BRSK2: variants seen among roughly 807,000 people sequenced by gnomAD.
BRSK2 encodes the protein BR serine/threonine kinase 2.
In BRSK2, 19 loss-of-function variants were observed where a neutral mutation model predicts 83.3. The observed-to-expected ratio is 0.23, with a 90% CI of 0.16 to 0.33. The LOEUF (loss-of-function observed/expected upper bound fraction) is 0.33, where lower values mean the gene tolerates loss of function less well. Ranked by LOEUF, BRSK2 falls within the 10% of genes least tolerant of loss-of-function variation. The probability of loss-of-function intolerance (pLI) is 1.00; values close to 1 mark genes in which losing one functional copy is unlikely to be tolerated. For synonymous variants in BRSK2, 519 were observed against 435.4 expected (o/e 1.19, Z -2.39); for missense variants, 798 against 1,042.3 (o/e 0.77, Z 3.23).
In BRSK2 at chr11:1,456,904, G is replaced by T. The variant is rs375752248; in HGVS notation, c.1939+217G>T. The T allele has an allele frequency of 8.5e-5, 134 of 1,575,954 alleles. 1 individual carries two copies. In the South Asian group the frequency reaches 1.4e-3, roughly 17 times the overall value. ...ACCCGCCTCGCCTCTGCACGCCAGG[G>T]ACATAGGGCGCAGCCGCACCACACT... On this transcript the variant is annotated intron_variant, in intron 18 of 19. Transcript: ENST00000528841.
chr11:1,450,727 G>A lies in BRSK2; in HGVS notation c.1428G>A (p.Arg476=), dbSNP rs762343253. The change falls in exon 14 of 20, where the codon AGG becomes AGA. Residue 476 remains arginine, a synonymous_variant. Coordinates refer to ENST00000528841, the MANE Select transcript of BRSK2 (RefSeq NM_001256627.2). ...CCAGCGTCGGAGGGGTGCCCTGGAG[G>A]GCGCGGCTCAACTCCATCAAGAACA... The part of the protein sequence containing the change: ...SSPSVGGVPW[R]ARLNSIKNSF... The A allele has an allele frequency of 1.7e-5, 28 of 1,601,024 alleles. No homozygotes were observed. Among genetic ancestry groups the A allele is most frequent in the South Asian group, 7.8e-5 (7 of 89,504 alleles).
Position 1,454,486 on chromosome 11 carries a change from C to T in BRSK2, c.1546C>T (p.Leu516=). Residue 516 remains leucine, a splice_region_variant and synonymous_variant, in exon 16 of 20, where the codon CTG becomes TTG. Transcript: ENST00000528841. This position sits in a 1 kb window ranked among gnomAD's most constrained non-coding sequence, Gnocchi z 5.2. ...CAGCCTCTGTCTCCCACTGCCCAGG[C>T]TGGCGAAGAAGTCCTGGTTTGGGAA... ...SNLTPESSPE[L]AKKSWFGNFI... is the part of the protein sequence containing the mutation. The T allele has an allele frequency of 1.2e-6, 2 of 1,612,988 alleles. No individual in the cohort carries two copies. The highest frequency in any genetic ancestry group is 1.7e-6 in the Non-Finnish European group (2 of 1,179,842).
chr11:1,406,740 G>A (rs941844584), intron 1 of BRSK2, among the ~76,000 whole-genome samples: 1 of 152,212 alleles, frequency 6.6e-6, no homozygotes. Flanking sequence ...GCGGGGGTGG[G>A]CCTGTCGCTG....
intron 1 of BRSK2, among the ~76,000 whole-genome samples, chr11:1,420,321 T>C (rs2134187753): frequency 6.6e-6 from 1 of 152,356 alleles, no homozygotes; most frequent in East Asian, 1.9e-4. Flanking sequence ...TGGCCAGGGC[T>C]GTCCCAACCT....
At chr11:1,418,565 G>A (rs1848342645) in intron 1 of BRSK2, among the ~76,000 whole-genome samples, 1 of 151,256 alleles carries the variant, frequency 6.6e-6, no homozygotes, top group African/African-American at 2.4e-5. Context: ...TCTCTTGAGA[G>A]TGGGTCACCT....
intron 18 of BRSK2, chr11:1,457,191 C>T (rs1047152345): frequency 2.7e-6 from 2 of 743,876 alleles, no homozygotes; most frequent in Admixed American, 6.0e-5. Flanking sequence ...GGCGGCCCAT[C>T]TGCTAGGGCA....
At chr11:1,394,549 G>A (rs111164729) in intron 1 of BRSK2, among the ~76,000 whole-genome samples, 4 of 57,098 alleles carry the variant, frequency 7.0e-5, no homozygotes, top group Non-Finnish European at 3.8e-5. Context: ...CCATGGAGAT[G>A]GGTCCTGGAG....
chr11:1,401,415 A>G (rs1846469901), intron 1 of BRSK2, among the ~76,000 whole-genome samples: 1 of 152,214 alleles, frequency 6.6e-6, no homozygotes, highest in South Asian at 2.1e-4. Flanking sequence ...ACCTGGAAGA[A>G]TAGGTCGCTC....
chr11:1,457,003 G>T, intron 18 of BRSK2: 1 of 1,596,622 alleles, frequency 6.3e-7, no homozygotes, highest in Non-Finnish European at 8.5e-7. Flanking sequence ...GGGCTTAAGG[G>T]CCAGAAGGTG....
At chr11:1,428,782 GGT>G (rs569472636) in intron 1 of BRSK2, among the ~76,000 whole-genome samples, 4 of 152,050 alleles carry the variant, frequency 2.6e-5, no homozygotes, top group South Asian at 2.1e-4. Context: ...GTGCACTGCG[GGT>G]GTGTGTGCAT....
chr11:1,439,254 G>A (rs895210838), intron 3 of BRSK2, among the ~76,000 whole-genome samples: 8 of 152,062 alleles, frequency 5.3e-5, no homozygotes, highest in African/African-American at 1.4e-4. Flanking sequence ...CAGCAGCAAC[G>A]TCCACGCTTG....
In BRSK2 at chr11:1,390,533, C is replaced by G. The variant is rs1845656450; in HGVS notation, c.91+158C>G. Among the ~76,000 whole-genome samples the G allele has an allele frequency of 6.9e-6, 1 of 144,456 alleles. No homozygotes were observed. Among genetic ancestry groups the G allele is most frequent in the Admixed American group, 6.9e-5 (1 of 14,540 alleles). 94.8% of individuals were successfully genotyped at this position (144,456 alleles called of 152,430 possible). A position where few individuals can be genotyped will look rare whatever the true frequency, so the allele number is the denominator to read the frequency against. On this transcript the variant is annotated intron_variant, in intron 1 of 19. Transcript: ENST00000528841. This position sits in a 1 kb window ranked among gnomAD's most constrained non-coding sequence, Gnocchi z 6.8. Reference sequence around the variant, plus strand: ...GCCCGTGCGCCCCCGTCCGCTCGTGCGCCCCGGTTCCGCCGCGGATCCCGC... The same window carrying G: ...GCCCGTGCGCCCCCGTCCGCTCGTGGGCCCCGGTTCCGCCGCGGATCCCGC...
At position 1,460,743 on chromosome 11, in the gene BRSK2, CAGCACAGCACTGACAGCGGCTG is replaced by C. The variant is rs1564896774; in HGVS notation, c.*21_*42del. 2 of 1,383,684 alleles carry C rather than the reference CAGCACAGCACTGACAGCGGCTG, an allele frequency of 1.4e-6. No homozygotes were observed. Among genetic ancestry groups the C allele is most frequent in the South Asian group, 1.5e-5 (1 of 66,890 alleles). 85.7% of individuals were successfully genotyped at this position (1,383,684 alleles called of 1,614,324 possible). ...CCTTAGACACACTAGCCCCCCCCCC[CAGCACAGCACTGACAGCGGCTG>C]CCTCGCCGCCCGCCGCCCGCCCTGC... On this transcript the variant is annotated 3_prime_UTR_variant, in exon 20 of 20. Transcript: ENST00000528841.
At chr11:1,442,133 G>A (rs1043893988) in intron 4 of BRSK2, among the ~76,000 whole-genome samples, 1 of 151,358 alleles carries the variant, frequency 6.6e-6, no homozygotes, top group Non-Finnish European at 1.5e-5. Context: ...AAGCACTCTG[G>A]GAGCCCCTCG....
At chr11:1,392,119 C>T (rs545169387) in intron 1 of BRSK2, among the ~76,000 whole-genome samples, 22 of 152,334 alleles carry the variant, frequency 1.4e-4, no homozygotes, top group African/African-American at 5.1e-4. Context: ...CATTTCTGTG[C>T]GTCTTCTGTT....
intron 1 of BRSK2, among the ~76,000 whole-genome samples, chr11:1,393,682 C>T (rs997573479): frequency 3.3e-5 from 5 of 151,450 alleles, no homozygotes; most frequent in Admixed American, 6.6e-5. Context: ...TGGGAGGAGT[C>T]ATTGAAGATG....
chr11:1,440,604 C>T (rs1851084622), intron 3 of BRSK2, among the ~76,000 whole-genome samples, 184 bp from the exon 4 acceptor site: 2 of 152,028 alleles, frequency 1.3e-5, no homozygotes, highest in African/African-American at 4.8e-5. Flanking sequence ...GGTCCACCCC[C>T]AGGAGCCCAG....
intron 19 of BRSK2, chr11:1,459,519 T>C (rs1847134190): frequency 2.0e-6 from 1 of 491,168 alleles, no homozygotes; most frequent in East Asian, 3.5e-5. Flanking sequence ...CTGAAGCCAG[T>C]GAGGGTCCCG....
intron 18 of BRSK2, 81 bp from the exon 19 acceptor site, chr11:1,459,111 C>G (rs376443341): frequency 2.0e-5 from 28 of 1,402,560 alleles, no homozygotes; most frequent in Non-Finnish European, 1.3e-5. Context: ...CCCTCCCCAT[C>G]GAGGCTGTGG....
Sources: gnomAD v4.1 joint callset for allele counts (sites outside exome capture counted in the v4.1 genomes callset) on GRCh38, gnomAD v4.1.1 for gene constraint, Gnocchi (gnomAD v3.1) non-coding constraint, MANE v1.5 for transcripts, NCBI Gene and HGNC (gene_info 2026-07-23, HGNC 2026-07-21) for gene names.